The following TXNDC16 variants were observed in gnomAD, a reference collection of about 807,000 sequenced individuals.
TXNDC16 encodes the protein thioredoxin domain-containing protein 16.
Under a neutral mutation model 85.6 loss-of-function variants are expected in TXNDC16, and 74 were observed. That is an observed-to-expected ratio of 0.86 (90% CI 0.72 to 1.05). The LOEUF is 1.05. Ranked by LOEUF, TXNDC16 falls within the 50% of genes least tolerant of loss-of-function variation. The pLI is 0.00. For missense variants in TXNDC16, 959 were observed against 947.0 expected (o/e 1.01, Z -0.17); for synonymous variants, 335 against 326.5 (o/e 1.03, Z -0.28).
At chr14:52,482,526 A>G (rs1281272735) in intron 13 of TXNDC16, among the ~76,000 whole-genome samples, 1 of 152,168 alleles carries the variant, frequency 6.6e-6, no homozygotes, top group East Asian at 1.9e-4. Context: ...AGATAAAAGC[A>G]ATATACTTAC....
chr14:52,470,258 CAATAT>C, intron 15 of TXNDC16, 85 bp from the exon 16 acceptor site: 1 of 1,023,652 alleles, frequency 9.8e-7, no homozygotes, highest in South Asian at 1.9e-5. Flanking sequence ...ACATAGCAAA[CAATAT>C]ATTACATAGG....
intron 18 of TXNDC16, among the ~76,000 whole-genome samples, chr14:52,444,364 T>C (rs1442441100): frequency 6.6e-6 from 1 of 152,198 alleles, no homozygotes; most frequent in East Asian, 1.9e-4. Flanking sequence ...TAGTTAATTA[T>C]TGTGTATTTC....
rs79815679 is a variant in TXNDC16, at chr14:52,500,161, C to G, written c.757-9156G>C. On this transcript the variant is annotated intron_variant, in intron 9 of 20. Transcript: ENST00000281741. ...AAAAGATCTCAGAGAATACCCATGT[C>G]CATTGCAGCATTACTCACCATAGCC... 4.9e-3 allele frequency among the ~76,000 whole-genome samples: 739 copies of G among 152,228 alleles called. 14 individuals are homozygous for G. Among genetic ancestry groups the G allele is most frequent in the Admixed American group, 0.039 (601 of 15,270 alleles).
chr14:52,542,308 C>T, intron 4 of TXNDC16, 63 bp downstream of exon 4: 4 of 1,088,098 alleles, frequency 3.7e-6, no homozygotes, highest in Non-Finnish European at 5.5e-6. Flanking sequence ...GATATTCAAT[C>T]TTAAGCCATA....
Position 52,488,480 on chromosome 14 carries a change from G to C in TXNDC16, c.991C>G (p.Pro331Ala). The change falls in exon 12 of 21, where the codon CCA becomes GCA. Residue 331 changes from proline (P) to alanine (A), a missense_variant. Pro to Ala is a conservative substitution (Grantham distance 27). Transcript: ENST00000281741. ...TCATGTAATACCAAAAATTCCACTG[G>C]AACTCCCTAGAAATACATTAATTTT... ...VVFKRAEEGV[P>A]VEFLVLHDVD... The C allele has an allele frequency of 6.3e-7, 1 of 1,591,434 alleles. No homozygotes were observed. Among genetic ancestry groups the C allele is most frequent in the East Asian group, 2.2e-5 (1 of 44,612 alleles).
chr14:52,541,151 G>T (rs1303428694), intron 4 of TXNDC16, among the ~76,000 whole-genome samples: 1 of 151,814 alleles, frequency 6.6e-6, no homozygotes, highest in East Asian at 1.9e-4. Flanking sequence ...CAAGAGAATC[G>T]CTTGAACCTG....
chr14:52,514,817 G>T, intron 8 of TXNDC16, 63 bp downstream of exon 8: 1 of 1,238,744 alleles, frequency 8.1e-7, no homozygotes, highest in Non-Finnish European at 1.2e-6. Context: ...GCTAAGTAAT[G>T]CGAAATAAGT....
At chr14:52,529,890 ATATAT>A (rs1398288968) in intron 6 of TXNDC16, among the ~76,000 whole-genome samples, 6 of 100,812 alleles carry the variant, frequency 6.0e-5, no homozygotes, top group Non-Finnish European at 1.0e-4. Flanking sequence ...TATATGAATT[ATATAT>A]TATATATTAT....
At chr14:52,489,100 T>G (rs1027239197) in intron 11 of TXNDC16, among the ~76,000 whole-genome samples, 1 of 152,146 alleles carries the variant, frequency 6.6e-6, no homozygotes, top group African/African-American at 2.4e-5. Flanking sequence ...TACCTCTTTA[T>G]AAAATGGAAA....
chr14:52,502,737 C>G (rs10132407), intron 9 of TXNDC16, among the ~76,000 whole-genome samples: 74,882 of 151,570 alleles, frequency 0.49, 19,097 homozygotes, highest in East Asian at 0.7. Context: ...GCAGGACAGT[C>G]GGTACAGCGC....
At chr14:52,534,480 G>A (rs192224010) in intron 6 of TXNDC16, among the ~76,000 whole-genome samples, 1 of 152,240 alleles carries the variant, frequency 6.6e-6, no homozygotes, top group Non-Finnish European at 1.5e-5. Flanking sequence ...TTCTTCCGAT[G>A]TGGCCCAGGT....
intron 6 of TXNDC16, among the ~76,000 whole-genome samples, chr14:52,531,794 C>G (rs1229807235): frequency 6.6e-6 from 1 of 152,096 alleles, no homozygotes; most frequent in Non-Finnish European, 1.5e-5. Context: ...TCAATGTAAA[C>G]TATGTACTTT....
chr14:52,470,292 T>C (rs2035876200), intron 15 of TXNDC16, 119 bp from the exon 16 acceptor site: 7 of 931,830 alleles, frequency 7.5e-6, no homozygotes, highest in African/African-American at 5.0e-5. Flanking sequence ...TTACAAAATA[T>C]AGAAAATTAA....
At chr14:52,523,427 G>A (rs535358597) in intron 6 of TXNDC16, among the ~76,000 whole-genome samples, 1 of 152,026 alleles carries the variant, frequency 6.6e-6, no homozygotes, top group Non-Finnish European at 1.5e-5. Context: ...GACAATTTTT[G>A]TATTACATTT....
intron 18 of TXNDC16, among the ~76,000 whole-genome samples, chr14:52,449,945 T>A (rs1030401446): frequency 2.0e-5 from 3 of 151,912 alleles, no homozygotes; most frequent in Non-Finnish European, 4.4e-5. Context: ...AAAGCAGTAC[T>A]AAAAGGAAAG....
chr14:52,493,249 C>T (rs908935380), intron 9 of TXNDC16, among the ~76,000 whole-genome samples: 2 of 141,656 alleles, frequency 1.4e-5, no homozygotes, highest in Admixed American at 1.4e-4. Flanking sequence ...TTAAAAGTCA[C>T]CAAGTCCCAC....
chr14:52,499,877 A>G (rs1451657421), intron 9 of TXNDC16, among the ~76,000 whole-genome samples: 1 of 152,130 alleles, frequency 6.6e-6, no homozygotes, highest in Non-Finnish European at 1.5e-5. Context: ...TCATCTCTAG[A>G]TTATTTATAA....
rs1295278343 is a variant in TXNDC16, at chr14:52,504,763, C to G, written c.756+6477G>C. 3.9e-5 allele frequency among the ~76,000 whole-genome samples: 6 copies of G among 152,218 alleles called. No individual in the cohort carries two copies. The East Asian group carries it at 9.7e-4, about 25-fold the overall frequency. On this transcript the variant is annotated intron_variant, in intron 9 of 20. Transcript: ENST00000281741. ...AATGGGCTAAATGCTCCAATTAAAA[C>G]ACACAGCCTGGCAAATTGGATAAAG...
At position 52,527,475 on chromosome 14, in the gene TXNDC16, T is replaced by C. The variant is rs1342161272; in HGVS notation, c.393-8182A>G. On this transcript the variant is annotated intron_variant, in intron 6 of 20. Transcript: ENST00000281741. ...CTATCTTCTCTTCCCCAGAGTCAAA[T>C]GCTTATATTTAGTGATAGGGGCCTT... Among the ~76,000 whole-genome samples, 6 of 152,156 alleles carry C rather than the reference T, an allele frequency of 3.9e-5. No individual in the cohort carries two copies. The East Asian group carries it at 1.2e-3, about 29-fold the overall frequency.
Sources: allele counts gnomAD v4.1 joint callset (sites outside exome capture counted in the v4.1 genomes callset), GRCh38; gene constraint gnomAD v4.1.1; transcripts MANE v1.5; gene names NCBI Gene and HGNC (gene_info 2026-07-23, HGNC 2026-07-21).